The following RALGAPA2 variants were observed in gnomAD, a reference collection of about 807,000 sequenced individuals.
RALGAPA2 encodes ral GTPase-activating protein subunit alpha-2.
A neutral mutation model predicts 230.4 loss-of-function variants in RALGAPA2; 139 were observed. That is an observed-to-expected ratio of 0.60 (90% CI 0.53 to 0.69). The LOEUF is 0.69. Among genes scored for constraint, RALGAPA2 ranks in the 30% least tolerant of loss-of-function variants. The pLI, the probability that RALGAPA2 is intolerant of heterozygous loss-of-function variation, is 0.00. For missense variants in RALGAPA2, 2,163 were observed against 2,276.0 expected (o/e 0.95, Z 1.01); for synonymous variants, 847 against 837.8 (o/e 1.01, Z -0.19).
At chr20:20,503,529 A>C (rs2062441575) in intron 34 of RALGAPA2, 23 bp from the exon 35 acceptor site, 1 of 1,502,424 alleles carries the variant, frequency 6.7e-7, no homozygotes, top group Admixed American at 2.3e-5. Flanking sequence ...ACAAAGAAGA[A>C]AGAGTGAGGA....
chr20:20,515,555 C>T (rs924873518), intron 31 of RALGAPA2, among the ~76,000 whole-genome samples: 1 of 152,216 alleles, frequency 6.6e-6, no homozygotes, highest in Non-Finnish European at 1.5e-5. Flanking sequence ...ATGAGGGAAT[C>T]TGAAAATCCA....
At chr20:20,605,988 C>T (rs1282303714) in intron 14 of RALGAPA2, among the ~76,000 whole-genome samples, 1 of 152,134 alleles carries the variant, frequency 6.6e-6, no homozygotes, top group Admixed American at 6.5e-5. Context: ...TGGACCCCTT[C>T]CTCGGAGTCT....
intron 23 of RALGAPA2, among the ~76,000 whole-genome samples, chr20:20,558,368 C>T (rs1400222804): frequency 6.6e-6 from 1 of 152,224 alleles, no homozygotes; most frequent in Non-Finnish European, 1.5e-5. Flanking sequence ...TCATCTCACT[C>T]ACTTTACCTA....
chr20:20,674,711 A>C (rs1568737603), intron 3 of RALGAPA2, among the ~76,000 whole-genome samples: 1 of 152,250 alleles, frequency 6.6e-6, no homozygotes, highest in South Asian at 2.1e-4. Flanking sequence ...CTTAGAATTA[A>C]TGTTGAGGGT....
At chr20:20,605,554 T>C in intron 14 of RALGAPA2, 142 bp from the exon 15 acceptor site, 1 of 705,254 alleles carries the variant, frequency 1.4e-6, no homozygotes, top group Admixed American at 2.9e-5. Flanking sequence ...CTTTTAATTC[T>C]CAAAATTCAT....
intron 36 of RALGAPA2, among the ~76,000 whole-genome samples, chr20:20,493,462 T>C (rs1467646072): frequency 6.6e-6 from 1 of 152,238 alleles, no homozygotes; most frequent in Non-Finnish European, 1.5e-5. Flanking sequence ...ACAAGGTATG[T>C]TAATAATTAT....
At chr20:20,601,591 A>G in intron 16 of RALGAPA2, 91 bp downstream of exon 16, 1 of 1,327,612 alleles carries the variant, frequency 7.5e-7, no homozygotes, top group Non-Finnish European at 1.0e-6. Context: ...TAATATTTAA[A>G]TTTTGAGTAG....
At chr20:20,672,502 T>C (rs1255484089) in intron 3 of RALGAPA2, among the ~76,000 whole-genome samples, 1 of 151,958 alleles carries the variant, frequency 6.6e-6, no homozygotes, top group Non-Finnish European at 1.5e-5. Context: ...AAAAAAGCTG[T>C]TAAAAACATG....
chr20:20,431,158 G>C (rs1482030847), intron 37 of RALGAPA2, among the ~76,000 whole-genome samples: 2 of 152,172 alleles, frequency 1.3e-5, no homozygotes, highest in Non-Finnish European at 2.9e-5. Flanking sequence ...GGGGAGGCAG[G>C]AGGAAAACAT....
rs1356759143 is a variant in RALGAPA2 at position 20,521,117 on chromosome 20, C to T, written c.3901-17G>A. On this transcript the variant is annotated splice_polypyrimidine_tract_variant and intron_variant, in intron 30 of 39. Transcript: ENST00000202677. ...GTGCAAAACCTGTGAAAACAGAGGC[C>T]ATGTGCACCACGGATGCTACTCACC... 6.3e-6 allele frequency: 10 copies of T among 1,578,540 alleles called. No homozygotes were observed. Among genetic ancestry groups the T allele is most frequent in the African/African-American group, 1.3e-5 (1 of 74,190 alleles).
chr20:20,660,230 A>G (rs1040933120), intron 3 of RALGAPA2, among the ~76,000 whole-genome samples: 23 of 141,874 alleles, frequency 1.6e-4, no homozygotes, highest in Admixed American at 6.4e-4. Flanking sequence ...TCTGTCTTGG[A>G]AAAAAAAAAA....
rs563402684 is a variant in RALGAPA2 at position 20,412,234 on chromosome 20, A to T, written c.5496-86T>A. On this transcript the variant is annotated intron_variant, in intron 37 of 39. Transcript: ENST00000202677. Reference sequence around the variant, plus strand: ...AATTCACTTTTAATACCGTTGTGCAATTTTTTCTGTGTAAAAAAGTATCCT... The same window carrying T: ...AATTCACTTTTAATACCGTTGTGCATTTTTTTCTGTGTAAAAAAGTATCCT... The T allele has an allele frequency of 8.2e-4, 1,270 of 1,539,530 alleles. 2 individuals carry two copies. The highest frequency in any genetic ancestry group is 3.5e-3 in the East Asian group (154 of 43,672).
intron 18 of RALGAPA2, 45 bp from the exon 19 acceptor site, chr20:20,585,000 A>T (rs772686972): frequency 3.5e-6 from 5 of 1,408,828 alleles, no homozygotes; most frequent in Non-Finnish European, 4.9e-6. Context: ...GAAAGTTTTC[A>T]TTGTTATAAG....
At chr20:20,692,298 A>G (rs1433672041) in intron 1 of RALGAPA2, among the ~76,000 whole-genome samples, 1 of 152,204 alleles carries the variant, frequency 6.6e-6, no homozygotes, top group African/African-American at 2.4e-5. Context: ...AAAATTTTCC[A>G]TAAATATATA....
At chr20:20,525,522 A>G (rs576299064) in intron 28 of RALGAPA2, among the ~76,000 whole-genome samples, 13 of 152,356 alleles carry the variant, frequency 8.5e-5, no homozygotes, top group African/African-American at 3.1e-4. Flanking sequence ...AAATAAATGA[A>G]TATCACTTCT....
At chr20:20,627,620 T>C (rs1303053432) in intron 10 of RALGAPA2, among the ~76,000 whole-genome samples, 1 of 152,162 alleles carries the variant, frequency 6.6e-6, no homozygotes, top group Non-Finnish European at 1.5e-5. Context: ...GACATCTCAC[T>C]CTCATGTTGG....
intron 29 of RALGAPA2, 94 bp from the exon 30 acceptor site, chr20:20,524,637 G>A: frequency 6.6e-7 from 1 of 1,510,048 alleles, no homozygotes. Context: ...CCAGTATTCA[G>A]TGGACATGCA....
intron 37 of RALGAPA2, among the ~76,000 whole-genome samples, chr20:20,442,947 T>A (rs762473866): frequency 2.0e-5 from 3 of 152,186 alleles, no homozygotes; most frequent in Non-Finnish European, 4.4e-5. Context: ...TCTTTACAGT[T>A]AAAAGATGAA....
At chr20:20,529,807 A>G (rs1403960488) in intron 27 of RALGAPA2, among the ~76,000 whole-genome samples, 1 of 152,178 alleles carries the variant, frequency 6.6e-6, no homozygotes, top group Admixed American at 6.5e-5. Flanking sequence ...ATGTATCCCC[A>G]TCACTATGCG....
Sources: gnomAD v4.1 joint callset for allele counts (sites outside exome capture counted in the v4.1 genomes callset) on GRCh38, gnomAD v4.1.1 for gene constraint, MANE v1.5 for transcripts, NCBI Gene and HGNC (gene_info 2026-07-23, HGNC 2026-07-21) for gene names.